The following HEXB variants were observed in gnomAD, a reference collection of about 807,000 sequenced individuals.
The protein encoded by HEXB is hexosaminidase subunit beta, also known as beta-hexosaminidase subunit beta.
A neutral mutation model predicts 71.2 loss-of-function variants in HEXB; 51 were observed. The observed-to-expected ratio is 0.72, with a 90% CI of 0.57 to 0.90. HEXB has a LOEUF of 0.90. HEXB is among the 40% of genes least tolerant of loss of function. HEXB has a pLI of 0.00. For missense variants in HEXB, 617 were observed against 677.0 expected (o/e 0.91, Z 0.98); for synonymous variants, 266 against 249.3 (o/e 1.07, Z -0.63).
At chr5:74,685,223 C>G, upstream of HEXB, 1 of 1,474,728 alleles carries the variant, frequency 6.8e-7, no homozygotes, top group Non-Finnish European at 8.9e-7. Flanking sequence ...TCCCGAGGCT[C>G]CGGCTCGGCA....
intron 1 of HEXB, among the ~76,000 whole-genome samples, chr5:74,676,647 T>A (rs1748635556): frequency 6.6e-6 from 1 of 152,038 alleles, no homozygotes. Flanking sequence ...ATGCCTGTGA[T>A]TCCAGCTACT....
At chr5:74,689,227 A>G in intron 1 of HEXB, 101 bp from the exon 2 acceptor site, 1 of 875,204 alleles carries the variant, frequency 1.1e-6, no homozygotes, top group Non-Finnish European at 1.9e-6. Context: ...TACAATGGGC[A>G]GCATGGATTT....
At position 74,715,701 on chromosome 5, in the gene HEXB, T is replaced by G. The variant is rs1182576780; in HGVS notation, c.1082+11T>G. 1 of 1,563,872 alleles carries G rather than the reference T, an allele frequency of 6.4e-7. No homozygotes were observed. The highest frequency in any genetic ancestry group is 1.7e-5 in the Admixed American group (1 of 59,714). ...GGAATTTAAATGTTGGTAAGATGAT[T>G]CCTTAAAACCCCTTTAAAAAAAAAA... On this transcript the variant is annotated intron_variant, in intron 8 of 13. Transcript: ENST00000261416.
chr5:74,670,217 G>A (rs1415682564), intron 1 of HEXB, among the ~76,000 whole-genome samples: 1 of 151,140 alleles, frequency 6.6e-6, no homozygotes, highest in African/African-American at 2.4e-5. Context: ...GCCCACCTGT[G>A]AGTGGTGCCT....
At chr5:74,672,536 A>T (rs1190894093) in intron 1 of HEXB, among the ~76,000 whole-genome samples, 1 of 152,126 alleles carries the variant, frequency 6.6e-6, no homozygotes, top group East Asian at 1.9e-4. Flanking sequence ...GCAGAACCAA[A>T]TTCCAATCCC....
intron 1 of HEXB, among the ~76,000 whole-genome samples, chr5:74,678,001 G>A (rs948973782): frequency 1.4e-4 from 22 of 152,064 alleles, no homozygotes; most frequent in African/African-American, 4.6e-4. Context: ...AAATTATAAC[G>A]ATTTAAATAG....
chr5:74,659,419 C>T (rs1748277503), intron 1 of HEXB, among the ~76,000 whole-genome samples: 1 of 152,162 alleles, frequency 6.6e-6, no homozygotes. Flanking sequence ...GAGACAAGGC[C>T]ACTTGTCTGT....
chr5:74,698,396 A>ATTT (rs796360672), intron 5 of HEXB, among the ~76,000 whole-genome samples: 2 of 135,782 alleles, frequency 1.5e-5, no homozygotes, highest in South Asian at 2.2e-4. Flanking sequence ...TATTATTATT[A>ATTT]TTTTTTTTTC....
At chr5:74,685,618 C>T (rs956709211) in intron 1 of HEXB, 59 bp downstream of exon 1, 2 of 1,467,626 alleles carry the variant, frequency 1.4e-6, no homozygotes, top group South Asian at 1.4e-5. Flanking sequence ...CGGACCACCC[C>T]GGAGCGCTGT....
chr5:74,686,285 A>G (rs952011935), intron 1 of HEXB, among the ~76,000 whole-genome samples: 2 of 152,134 alleles, frequency 1.3e-5, no homozygotes, highest in East Asian at 1.9e-4. Flanking sequence ...GAGTCAGCCA[A>G]TCACACCATA....
chr5:74,716,753 T>C, intron 9 of HEXB, 80 bp downstream of exon 9: 1 of 898,044 alleles, frequency 1.1e-6, no homozygotes. Flanking sequence ...TTTTTACATT[T>C]TCTCTACATC....
At chr5:74,695,124 T>C (rs1749083079) in intron 3 of HEXB, among the ~76,000 whole-genome samples, 1 of 151,990 alleles carries the variant, frequency 6.6e-6, no homozygotes, top group Admixed American at 6.6e-5. Flanking sequence ...ATTTTATTTA[T>C]GTATAATATT....
chr5:74,681,473 C>G (rs1748738237), upstream of HEXB, among the ~76,000 whole-genome samples: 1 of 152,268 alleles, frequency 6.6e-6, no homozygotes, highest in African/African-American at 2.4e-5. Flanking sequence ...GCCTGTAGTA[C>G]TAACTATTCA....
chr5:74,694,153 CT>C (rs1485936269), intron 3 of HEXB, among the ~76,000 whole-genome samples: 2 of 152,108 alleles, frequency 1.3e-5, no homozygotes, highest in Non-Finnish European at 2.9e-5. Flanking sequence ...AGCAAGACCC[CT>C]GTCTCAAAAA....
At chr5:74,646,809 C>T (rs1053028304) in intron 1 of HEXB, among the ~76,000 whole-genome samples, 2 of 151,922 alleles carry the variant, frequency 1.3e-5, no homozygotes, top group Non-Finnish European at 2.9e-5. Context: ...CCTCGTGATA[C>T]ACCCACCTCA....
chr5:74,653,424 C>T (rs1748159793), intron 1 of HEXB, among the ~76,000 whole-genome samples: 1 of 152,212 alleles, frequency 6.6e-6, no homozygotes, highest in African/African-American at 2.4e-5. Context: ...GAATCGCTTT[C>T]TGCTCCCACC....
chr5:74,640,056 GC>G (rs1747790887), exon 1 of HEXB: 1 of 152,266 alleles, frequency 6.6e-6, no homozygotes, highest in African/African-American at 2.4e-5. Flanking sequence ...TTCCCCAGCG[GC>G]TCGCCCCAGA....
chr5:74,684,046 C>T (rs186092123), upstream of HEXB, among the ~76,000 whole-genome samples: 46 of 152,138 alleles, frequency 3.0e-4, no homozygotes, highest in East Asian at 8.4e-3. Flanking sequence ...GTCTCGAACT[C>T]CTGAACTTGT....
chr5:74,676,950 G>C (rs1748641461), intron 1 of HEXB, among the ~76,000 whole-genome samples: 1 of 151,920 alleles, frequency 6.6e-6, no homozygotes, highest in Admixed American at 6.6e-5. Flanking sequence ...GCAGTGGCGG[G>C]ATCTCGGCTC....
Sources: allele counts gnomAD v4.1 joint callset (sites outside exome capture counted in the v4.1 genomes callset), GRCh38; gene constraint gnomAD v4.1.1; transcripts MANE v1.5; gene names NCBI Gene and HGNC (gene_info 2026-07-23, HGNC 2026-07-21).